MTX2: variants seen among roughly 807,000 people sequenced by gnomAD.
The protein encoded by MTX2 is metaxin-2.
Under a neutral mutation model 42.3 loss-of-function variants are expected in MTX2, and 35 were observed. The ratio of observed to expected loss-of-function variants is 0.83; its 90% CI spans 0.63 to 1.10. The LOEUF is 1.10. Ranked by LOEUF, MTX2 falls within the 50% of genes least tolerant of loss-of-function variation. The probability of loss-of-function intolerance (pLI) is 0.00; values close to 1 mark genes in which losing one functional copy is unlikely to be tolerated. For synonymous variants in MTX2, 119 were observed against 100.9 expected (o/e 1.18, Z -1.08); for missense variants, 307 against 304.1 (o/e 1.01, Z -0.07).
At chr2:176,306,275 T>C (rs986268174) in intron 3 of MTX2, among the ~76,000 whole-genome samples, 1 of 152,168 alleles carries the variant, frequency 6.6e-6, no homozygotes, top group African/African-American at 2.4e-5. Context: ...TATTCCATGG[T>C]GTATATGTGC....
chr2:176,283,898 A>G (rs192114691), intron 1 of MTX2, among the ~76,000 whole-genome samples: 89 of 151,778 alleles, frequency 5.9e-4, no homozygotes, highest in African/African-American at 2.0e-3. Context: ...CTGTTTTTCT[A>G]TAGTTCTGCT....
At chr2:176,275,545 T>C (rs1692927484) in intron 1 of MTX2, among the ~76,000 whole-genome samples, 1 of 152,148 alleles carries the variant, frequency 6.6e-6, no homozygotes, top group African/African-American at 2.4e-5. Flanking sequence ...GGCCTAGAAT[T>C]TTAAAAGGAT....
Position 176,269,564 on chromosome 2 carries a change from G to A in MTX2, c.-66G>A, listed in dbSNP as rs1692742712. ...CTCGTTAACTGCCGAGAGCCTCCGG[G>A]TTTGCGGTGGAGGACGCTGAGGCCC... On this transcript the variant is annotated 5_prime_UTR_variant, in exon 1 of 10. Coordinates refer to ENST00000249442, the MANE Select transcript of MTX2 (RefSeq NM_006554.5). 2 of 1,515,434 alleles carry A rather than the reference G, an allele frequency of 1.3e-6. No individual in the cohort carries two copies. Among genetic ancestry groups the A allele is most frequent in the Non-Finnish European group, 1.8e-6 (2 of 1,130,534 alleles). 93.9% of individuals were successfully genotyped at this position (1,515,434 alleles called of 1,614,324 possible).
Position 176,290,849 on chromosome 2 carries a change from T to A in MTX2, c.41-6011T>A, listed in dbSNP as rs181923175. ...AAGAAAAACATAAATTAACTATATATTTCTTACCTTTGCACTAACACTAAA... is the reference window on the plus strand; with the variant it reads ...AAGAAAAACATAAATTAACTATATAATTCTTACCTTTGCACTAACACTAAA... On this transcript the variant is annotated intron_variant, in intron 1 of 9. Transcript: ENST00000249442. Among the ~76,000 whole-genome samples, 16 of 152,092 alleles carry A rather than the reference T, an allele frequency of 1.1e-4. No individual in the cohort carries two copies. The East Asian group carries it at 3.1e-3, about 29-fold the overall frequency.
intron 1 of MTX2, among the ~76,000 whole-genome samples, chr2:176,274,994 G>A (rs1249016993): frequency 6.6e-6 from 1 of 152,124 alleles, no homozygotes; most frequent in Non-Finnish European, 1.5e-5. Context: ...AGGGAATTTT[G>A]GCAAGTGTAT....
chr2:176,319,652 T>G (rs1422980171), intron 3 of MTX2, among the ~76,000 whole-genome samples: 1 of 152,060 alleles, frequency 6.6e-6, no homozygotes, highest in African/African-American at 2.4e-5. Flanking sequence ...CTCAGCTCAC[T>G]GCAACCTCTG....
intron 1 of MTX2, among the ~76,000 whole-genome samples, chr2:176,293,969 C>T (rs920884115): frequency 1.3e-5 from 2 of 152,110 alleles, no homozygotes; most frequent in African/African-American, 2.4e-5. Flanking sequence ...GTCTACTTGC[C>T]TTCTCTTTTT....
At chr2:176,291,050 A>T (rs148852777) in intron 1 of MTX2, among the ~76,000 whole-genome samples, 1 of 152,126 alleles carries the variant, frequency 6.6e-6, no homozygotes, top group Non-Finnish European at 1.5e-5. Context: ...TGTCCTTATC[A>T]ATAAAAATTT....
chr2:176,285,791 G>GCA (rs1693185862), intron 1 of MTX2, among the ~76,000 whole-genome samples: 2 of 152,114 alleles, frequency 1.3e-5, no homozygotes, highest in African/African-American at 4.8e-5. Flanking sequence ...ACCAGTTAAT[G>GCA]AACATCTGGG....
chr2:176,334,754 G>T, intron 9 of MTX2, among the ~76,000 whole-genome samples: 1 of 152,016 alleles, frequency 6.6e-6, no homozygotes, highest in South Asian at 2.1e-4. Flanking sequence ...TATTTATTCG[G>T]CAAGTGCTAC....
At chr2:176,322,455 G>C (rs1684608211) in intron 3 of MTX2, among the ~76,000 whole-genome samples, 2 of 151,958 alleles carry the variant, frequency 1.3e-5, no homozygotes, top group African/African-American at 4.8e-5. Flanking sequence ...GTGGTAATTA[G>C]AACCATTGTA....
chr2:176,335,117 C>T (rs1175918404), intron 9 of MTX2, among the ~76,000 whole-genome samples: 1 of 151,952 alleles, frequency 6.6e-6, no homozygotes, highest in African/African-American at 2.4e-5. Flanking sequence ...GGAGTGACTA[C>T]ATGTCCACTT....
At chr2:176,319,727 C>T (rs1055866755) in intron 3 of MTX2, among the ~76,000 whole-genome samples, 1 of 152,002 alleles carries the variant, frequency 6.6e-6, no homozygotes, top group African/African-American at 2.4e-5. Flanking sequence ...AGGCACACAC[C>T]ACCACGCCCG....
intron 3 of MTX2, among the ~76,000 whole-genome samples, chr2:176,307,407 A>T (rs1490978772): frequency 6.6e-6 from 1 of 152,176 alleles, no homozygotes; most frequent in African/African-American, 2.4e-5. Context: ...TTTTGGTTCC[A>T]TATGAACTTT....
In MTX2 at chr2:176,337,591, G is replaced by C; in HGVS notation, c.719G>C (p.Ser240Thr). Residue 240 changes from serine (S) to threonine (T), a missense_variant, in exon 10 of 10, where the codon AGC becomes ACC. Transcript: ENST00000249442. The stretch of plus-strand genomic sequence containing the variant: ...CTTTCTGAGAAGGTGAAAAACTATA[G>C]CAACCTCCTTGCTTTCTGTAGGAGA... ...DELSEKVKNY[S>T]NLLAFCRRIE... 1 of 1,613,412 alleles carries C rather than the reference G, an allele frequency of 6.2e-7. No homozygotes were observed. Among genetic ancestry groups the C allele is most frequent in the Non-Finnish European group, 8.5e-7 (1 of 1,179,610 alleles).
At chr2:176,328,787 T>C in intron 6 of MTX2, 87 bp from the exon 7 acceptor site, 1 of 1,315,194 alleles carries the variant, frequency 7.6e-7, no homozygotes, top group African/African-American at 1.5e-5. Flanking sequence ...AATTAGCTTA[T>C]AAAAAATTGC....
Position 176,269,451 on chromosome 2 carries a change from C to T in MTX2, c.-179C>T, listed in dbSNP as rs1174309161. The T allele has an allele frequency of 2.3e-5, 15 of 640,754 alleles. No homozygotes were observed. The highest frequency in any genetic ancestry group is 5.8e-5 in the African/African-American group (3 of 51,508). The allele number at this position is 640,754 out of a possible 1,614,324, so 39.7% of individuals were successfully genotyped here. A position where few individuals can be genotyped will look rare whatever the true frequency, so the allele number is the denominator to read the frequency against. ...GTCGGCTGCGCCGGAAGTCCCTAGC[C>T]AGGCCTGGCGGTAACCTTGGGGGCC... On this transcript the variant is annotated 5_prime_UTR_variant, in exon 1 of 10. Transcript: ENST00000249442.
chr2:176,286,592 C>T (rs1447522493), intron 1 of MTX2, among the ~76,000 whole-genome samples: 1 of 151,652 alleles, frequency 6.6e-6, no homozygotes, highest in Admixed American at 6.6e-5. Context: ...TCTGGTTGCC[C>T]AGGCTGGAGT....
Position 176,269,527 on chromosome 2 carries a change from G to T in MTX2, c.-103G>T. ...AGTGGGCTTTGCGAGTCTGAACGTT[G>T]GCGGGGCTAGGCTCGTTAACTGCCG... On this transcript the variant is annotated 5_prime_UTR_variant, in exon 1 of 10. Transcript: ENST00000249442. 3 of 1,301,616 alleles carry T rather than the reference G, an allele frequency of 2.3e-6. No homozygotes were observed. The highest frequency in any genetic ancestry group is 1.4e-5 in the South Asian group (1 of 69,302). The allele number at this position is 1,301,616 out of a possible 1,614,324, so 80.6% of individuals were successfully genotyped here. A position where few individuals can be genotyped will look rare whatever the true frequency, so the allele number is the denominator to read the frequency against.
Sources: allele counts gnomAD v4.1 joint callset (sites outside exome capture counted in the v4.1 genomes callset), GRCh38; gene constraint gnomAD v4.1.1; transcripts MANE v1.5; gene names NCBI Gene and HGNC (gene_info 2026-07-23, HGNC 2026-07-21).